VANGL1: variants seen among roughly 807,000 people sequenced by gnomAD.
VANGL1 encodes the protein vang-like protein 1.
VANGL1 carries 18 observed loss-of-function variants against 48.4 expected under a neutral mutation model. That is an observed-to-expected ratio of 0.37 (90% confidence interval 0.26 to 0.55). VANGL1 has a LOEUF of 0.55. Among genes scored for constraint, VANGL1 ranks in the 20% least tolerant of loss-of-function variants. VANGL1 has a pLI of 0.81. For missense variants in VANGL1, 667 were observed against 675.8 expected, an observed-to-expected ratio of 0.99 and a Z score of 0.14; for synonymous variants, 257 against 261.8, an observed-to-expected ratio of 0.98 and a Z score of 0.18.
At chr1:115,652,648 G>C (rs555521955) in intron 2 of VANGL1, among the ~76,000 whole-genome samples, 22 of 152,308 alleles carry the variant, frequency 1.4e-4, no homozygotes, top group African/African-American at 5.3e-4. Flanking sequence ...CTCTGCACTG[G>C]CTTGGGAATA....
chr1:115,663,328 G>C (rs1652639464), intron 3 of VANGL1, among the ~76,000 whole-genome samples: 1 of 152,166 alleles, frequency 6.6e-6, no homozygotes, highest in South Asian at 2.1e-4. Context: ...GTTGCGCATT[G>C]CAGGGCAAAC....
intron 7 of VANGL1, 98 bp downstream of exon 7, chr1:115,685,625 A>C: frequency 1.6e-6 from 2 of 1,216,526 alleles, no homozygotes; most frequent in Non-Finnish European, 2.4e-6. Context: ...ATAAAATCGA[A>C]AGGCATCTCT....
At position 115,685,431 on chromosome 1, in the gene VANGL1, G is replaced by T. The variant is rs762965479; in HGVS notation, c.1218G>T (p.Gln406His). The T allele has an allele frequency of 6.2e-7, 1 of 1,614,174 alleles. No individual in the cohort carries two copies. Among genetic ancestry groups the T allele is most frequent in the East Asian group, 2.2e-5 (1 of 44,868 alleles). ...TCCCCTCCATGGCCAGGGCTCTCCAGAAGTACCTGCGCATCACCCGGCAGC... is the reference window on the plus strand; with the variant it reads ...TCCCCTCCATGGCCAGGGCTCTCCATAAGTACCTGCGCATCACCCGGCAGC... ...AIFPSMARAL[Q>H]KYLRITRQQN... The change falls in exon 7 of 8, where the codon CAG (glutamine) becomes CAT (histidine). Residue 406 changes from glutamine (Q) to histidine (H), a missense_variant. Gln to His is a conservative substitution (Grantham distance 24). Coordinates refer to ENST00000355485, the MANE Select transcript of VANGL1 (RefSeq NM_138959.3).
chr1:115,658,279 G>A (rs1175807292), intron 2 of VANGL1, among the ~76,000 whole-genome samples: 1 of 152,158 alleles, frequency 6.6e-6, no homozygotes, highest in Non-Finnish European at 1.5e-5. Flanking sequence ...CTAAGTAGTA[G>A]GTTAACAGAA....
At chr1:115,676,543 T>C (rs1365680869) in intron 4 of VANGL1, among the ~76,000 whole-genome samples, 1 of 152,220 alleles carries the variant, frequency 6.6e-6, no homozygotes, top group Non-Finnish European at 1.5e-5. Flanking sequence ...CTTTAAAATG[T>C]GTTATTTCAT....
rs1653420414 is a variant in VANGL1 at position 115,682,220 on chromosome 1, A to G, written c.813-144A>G. 6.1e-5 allele frequency: 72 copies of G among 1,187,194 alleles called. No homozygotes were observed. The South Asian group carries it at 9.9e-4, about 16-fold the overall frequency. 73.5% of individuals were successfully genotyped at this position (1,187,194 alleles called of 1,614,324 possible). ...TTTAAGTTCTCATCCTGGAGACCAG[A>G]AGTGTGGTGGAACCCAGTGGACTTC... On this transcript the variant is annotated intron_variant, in intron 4 of 7. Transcript: ENST00000355485.
chr1:115,695,137 GAAACAAAC>G lies in VANGL1; in HGVS notation c.*3766_*3773del. Reference sequence around the variant, plus strand: ...TGCTTTAGGACTCTGAAAACAGCAAGAAACAAACAAACAAAGGTCAAGCTCTAAGAAAA... The same window carrying G: ...TGCTTTAGGACTCTGAAAACAGCAAGAAACAAAGGTCAAGCTCTAAGAAAA... On this transcript the variant is annotated 3_prime_UTR_variant, in exon 8 of 8. Transcript: ENST00000355485. 1 of 152,308 alleles carries G rather than the reference GAAACAAAC, an allele frequency of 6.6e-6. No homozygotes were observed. Among genetic ancestry groups the G allele is most frequent in the East Asian group, 1.9e-4 (1 of 5,180 alleles). 9.4% of individuals were successfully genotyped at this position (152,308 alleles called of 1,614,324 possible). A position where few individuals can be genotyped will look rare whatever the true frequency, so the allele number is the denominator to read the frequency against.
intron 5 of VANGL1, 123 bp downstream of exon 5, chr1:115,682,620 C>G (rs1212897089): frequency 1.4e-6 from 2 of 1,457,918 alleles, no homozygotes; most frequent in African/African-American, 1.4e-5. Flanking sequence ...ATTCTTGTTT[C>G]AGAACAATTT....
intron 3 of VANGL1, 139 bp from the exon 4 acceptor site, chr1:115,663,522 T>C: frequency 8.4e-7 from 1 of 1,189,732 alleles, no homozygotes. Context: ...TTCTAATATT[T>C]AAAGAGTTAA....
At chr1:115,658,258 G>A (rs563177284) in intron 2 of VANGL1, among the ~76,000 whole-genome samples, 1 of 152,152 alleles carries the variant, frequency 6.6e-6, no homozygotes, top group African/African-American at 2.4e-5. Context: ...AGAAATCTAC[G>A]TTTTCTTAAG....
At chr1:115,642,273 G>T (rs1050674723) in intron 1 of VANGL1, among the ~76,000 whole-genome samples, 187 bp downstream of exon 1, 1 of 151,876 alleles carries the variant, frequency 6.6e-6, no homozygotes, top group Non-Finnish European at 1.5e-5. Flanking sequence ...CCTCCGGAGC[G>T]CTCCGGGTAG....
At chr1:115,684,764 A>C (rs573668082) in intron 6 of VANGL1, among the ~76,000 whole-genome samples, 1 of 152,142 alleles carries the variant, frequency 6.6e-6, no homozygotes, top group African/African-American at 2.4e-5. Context: ...GTTCACCGTC[A>C]GGTCATATTC....
chr1:115,652,737 A>T (rs758140173), intron 2 of VANGL1, among the ~76,000 whole-genome samples: 28 of 152,180 alleles, frequency 1.8e-4, no homozygotes, highest in Non-Finnish European at 3.5e-4. Context: ...TGTTCTGTAA[A>T]ACAGCAGTGA....
intron 4 of VANGL1, among the ~76,000 whole-genome samples, chr1:115,674,322 GT>G: frequency 6.6e-6 from 1 of 152,286 alleles, no homozygotes; most frequent in East Asian, 1.9e-4. Flanking sequence ...TATTGTTTGA[GT>G]GGTACTCACC....
Position 115,695,882 on chromosome 1 carries a change from A to G in VANGL1, c.*4503A>G, listed in dbSNP as rs1008090070. The G allele has an allele frequency of 1.3e-5, 2 of 152,240 alleles. No homozygotes were observed. Among genetic ancestry groups the G allele is most frequent in the Non-Finnish European group, 2.9e-5 (2 of 68,056 alleles). The allele number at this position is 152,240 out of a possible 1,614,324, so 9.4% of individuals were successfully genotyped here. ...CGGCACTTCTGGATGTTGAGGAAGG[A>G]CCTAGAGACACATCCTTGAACTAGA... is the stretch of plus-strand genomic sequence containing the variant. On this transcript the variant is annotated 3_prime_UTR_variant, in exon 8 of 8. Transcript: ENST00000355485.
In VANGL1 at chr1:115,696,453, A is replaced by G. The variant is rs1031170731; in HGVS notation, c.*5074A>G. The G allele has an allele frequency of 2.6e-5, 4 of 152,154 alleles. No individual in the cohort carries two copies. The highest frequency in any genetic ancestry group is 2.0e-4 in the Admixed American group (3 of 15,276). 9.4% of individuals were successfully genotyped at this position (152,154 alleles called of 1,614,324 possible). A position where few individuals can be genotyped will look rare whatever the true frequency, so the allele number is the denominator to read the frequency against. Reference sequence around the variant, plus strand: ...CAGAAAACCATTTTTCTCTGTTCCCATATGTAGTAAGTTTTGATTCAGTTG... The same window carrying G: ...CAGAAAACCATTTTTCTCTGTTCCCGTATGTAGTAAGTTTTGATTCAGTTG... On this transcript the variant is annotated 3_prime_UTR_variant, in exon 8 of 8. Coordinates refer to ENST00000355485, the MANE Select transcript of VANGL1 (RefSeq NM_138959.3).
At chr1:115,682,806 A>G (rs930313933) in intron 5 of VANGL1, among the ~76,000 whole-genome samples, 3 of 152,156 alleles carry the variant, frequency 2.0e-5, no homozygotes, top group Non-Finnish European at 2.9e-5. Context: ...GCTTTTCAAA[A>G]TTGGTGCACA....
rs770916658 is a variant in VANGL1, at chr1:115,682,381, T to A, written c.830T>A (p.Leu277Ter). 2 of 1,614,202 alleles carry A rather than the reference T, an allele frequency of 1.2e-6. No individual in the cohort carries two copies. Among genetic ancestry groups the A allele is most frequent in the Non-Finnish European group, 1.7e-6 (2 of 1,180,044 alleles). The stretch of plus-strand genomic sequence containing the variant: ...TTTCTCAGTATCCAGCGAGCAGCAT[T>A]GGTGGTCCTAGAAAATTACTACAAA... Reference protein sequence around the residue: ...LGHLSIQRAALVVLENYYKDF... With the variant: ...LGHLSIQRAA Residue 277 changes from leucine (L) to a stop codon, truncating the protein, a stop_gained, in exon 5 of 8, where the codon TTG (leucine) becomes TAG (stop). Coordinates refer to ENST00000355485, the MANE Select transcript of VANGL1 (RefSeq NM_138959.3). LOFTEE classifies it high-confidence loss of function.
chr1:115,647,504 T>G (rs1651982838), intron 1 of VANGL1, among the ~76,000 whole-genome samples: 1 of 152,252 alleles, frequency 6.6e-6, no homozygotes, highest in Non-Finnish European at 1.5e-5. Context: ...TAAAATAAGT[T>G]CACTTCGGAT....
Sources: allele counts gnomAD v4.1 joint callset (sites outside exome capture counted in the v4.1 genomes callset), GRCh38; gene constraint gnomAD v4.1.1; transcripts MANE v1.5; gene names NCBI Gene and HGNC (gene_info 2026-07-23, HGNC 2026-07-21).